The following AXDND1 variants were observed in gnomAD, a reference collection of about 807,000 sequenced individuals.
The protein encoded by AXDND1 is axonemal dynein light chain domain-containing protein 1.
Under a neutral mutation model 137.5 loss-of-function variants are expected in AXDND1, and 110 were observed. That is an observed-to-expected ratio of 0.80 (90% CI 0.69 to 0.94). The LOEUF is 0.94. Ranked by LOEUF, AXDND1 falls within the 40% of genes least tolerant of loss-of-function variation. AXDND1 has a pLI of 0.00. For synonymous variants in AXDND1, 414 were observed against 399.7 expected, an observed-to-expected ratio of 1.04 and a Z score of -0.43; for missense variants, 1,191 against 1,169.8, an observed-to-expected ratio of 1.02 and a Z score of -0.26.
chr1:179,537,855 T>A (rs1324779586), intron 25 of AXDND1, among the ~76,000 whole-genome samples: 1 of 152,204 alleles, frequency 6.6e-6, no homozygotes, highest in Non-Finnish European at 1.5e-5. Flanking sequence ...TATTAATTAT[T>A]GGCTCAATTT....
At chr1:179,484,559 C>T (rs1665803802) in intron 18 of AXDND1, among the ~76,000 whole-genome samples, 1 of 152,142 alleles carries the variant, frequency 6.6e-6, no homozygotes, top group Non-Finnish European at 1.5e-5. Context: ...TACTGGCAGA[C>T]CATGCCTGAC....
intron 11 of AXDND1, among the ~76,000 whole-genome samples, chr1:179,396,596 C>T (rs1368482829): frequency 6.0e-5 from 9 of 150,846 alleles, no homozygotes; most frequent in Middle Eastern, 3.4e-3. Context: ...TGCAGTGAGC[C>T]GAGACTGCGC....
intron 18 of AXDND1, among the ~76,000 whole-genome samples, chr1:179,484,060 C>A (rs549126775): frequency 6.6e-6 from 1 of 152,082 alleles, no homozygotes; most frequent in African/African-American, 2.4e-5. Context: ...AGCTGGAAAC[C>A]CTGCACAGGG....
At chr1:179,400,685 C>G (rs998304047) in intron 11 of AXDND1, among the ~76,000 whole-genome samples, 32 of 144,626 alleles carry the variant, frequency 2.2e-4, no homozygotes, top group Non-Finnish European at 4.7e-4. Context: ...GGGCAGATCA[C>G]GAGGTCAGGA....
rs183798505 is a variant in AXDND1, at chr1:179,500,619, G to A, written c.2388+7668G>A. Among the ~76,000 whole-genome samples the A allele has an allele frequency of 3.1e-4, 47 of 152,156 alleles. No homozygotes were observed. The East Asian group carries it at 6.9e-3, about 22-fold the overall frequency. On this transcript the variant is annotated intron_variant, in intron 20 of 25. Transcript: ENST00000367618. ...AATTCTCCTCAGGATGCTATGTAGC[G>A]ATCCTGTCCAATACAGTAGCCACTA...
chr1:179,404,896 G>C (rs965333274), intron 11 of AXDND1, among the ~76,000 whole-genome samples: 1 of 151,518 alleles, frequency 6.6e-6, no homozygotes, highest in African/African-American at 2.4e-5. Context: ...GCTTTGCTTT[G>C]TTGGGAGACT....
intron 24 of AXDND1, 72 bp downstream of exon 24, chr1:179,533,949 C>T: frequency 7.4e-7 from 1 of 1,359,470 alleles, no homozygotes. Flanking sequence ...GAAATTCACA[C>T]TTTTTGGCTT....
At position 179,554,723 on chromosome 1, in the gene AXDND1, C is replaced by T. The variant is rs1164167178; in HGVS notation, c.*204C>T. ...TTGCATGGTGCCACCCAATAAATAT[C>T]TGTGCAATTGAAGATGGTGTGGTAT... is the stretch of plus-strand genomic sequence containing the variant. On this transcript the variant is annotated 3_prime_UTR_variant, in exon 26 of 26. Coordinates refer to ENST00000367618, the MANE Select transcript of AXDND1 (RefSeq NM_144696.6). 2.8e-6 allele frequency: 2 copies of T among 706,748 alleles called. No homozygotes were observed. The highest frequency in any genetic ancestry group is 5.4e-5 in the East Asian group (2 of 36,764). 43.8% of individuals were successfully genotyped at this position (706,748 alleles called of 1,614,324 possible). A position where few individuals can be genotyped will look rare whatever the true frequency, so the allele number is the denominator to read the frequency against.
chr1:179,378,230 A>G (rs560494149), intron 4 of AXDND1, among the ~76,000 whole-genome samples: 8 of 152,260 alleles, frequency 5.3e-5, no homozygotes, highest in Non-Finnish European at 7.4e-5. Context: ...TCAAGGAAAT[A>G]TTTTTAGAAG....
At position 179,488,284 on chromosome 1, in the gene AXDND1, A is replaced by G. The variant is rs929909862; in HGVS notation, c.2092-3254A>G. Among the ~76,000 whole-genome samples the G allele has an allele frequency of 1.4e-4, 21 of 148,740 alleles. 1 individual carries two copies. In the South Asian group the frequency reaches 2.5e-3, roughly 18 times the overall value. On this transcript the variant is annotated intron_variant, in intron 18 of 25. Transcript: ENST00000367618. Reference sequence around the variant, plus strand: ...AGGTGAGCTGTGTTTCATTTTTAGCAACAAACTCACACCAAGATGGAAATA... The same window carrying G: ...AGGTGAGCTGTGTTTCATTTTTAGCGACAAACTCACACCAAGATGGAAATA...
At chr1:179,400,210 G>GGT (rs1651746434) in intron 11 of AXDND1, among the ~76,000 whole-genome samples, 1 of 152,036 alleles carries the variant, frequency 6.6e-6, no homozygotes, top group African/African-American at 2.4e-5. Context: ...AAAAAACTGT[G>GGT]GTGTATATAT....
Position 179,411,229 on chromosome 1 carries a change from A to G in AXDND1, c.1193A>G (p.Asp398Gly), listed in dbSNP as rs138013833. The change falls in exon 12 of 26, where the codon GAT becomes GGT. Residue 398 changes from aspartate (D) to glycine (G), a missense_variant. Physicochemically the swap from Asp to Gly is moderately conservative, Grantham distance 94. Coordinates refer to ENST00000367618, the MANE Select transcript of AXDND1 (RefSeq NM_144696.6). ...NDMKKLVAER[D>G]IWSSATYELA... ...ATGAAAAAGTTAGTGGCAGAAAGAG[A>G]TATCTGGAGCTCAGCCACATATGAA... 2.8e-5 allele frequency: 45 copies of G among 1,613,188 alleles called. No individual in the cohort carries two copies. The highest frequency in any genetic ancestry group is 3.8e-5 in the Non-Finnish European group (45 of 1,179,738).
In AXDND1 at chr1:179,468,468, G is replaced by T. The variant is rs762092372; in HGVS notation, c.1824G>T (p.Leu608Phe). The T allele has an allele frequency of 1.9e-6, 3 of 1,611,018 alleles. No individual in the cohort carries two copies. Among genetic ancestry groups the T allele is most frequent in the South Asian group, 2.2e-5 (2 of 90,512 alleles). Residue 608 changes from leucine (L) to phenylalanine (F), a missense_variant, in exon 17 of 26, where the codon TTG (leucine) becomes TTT (phenylalanine). Transcript: ENST00000367618. ...DNGYSKILPS[L>F]ISSLDFCSFK... ...GTTACTCCAAAATTCTTCCAAGTTT[G>T]ATTAGTTCTCTTGACTTCTGTTCTT... is the stretch of plus-strand genomic sequence containing the variant.
chr1:179,553,856 C>T (rs550065003), intron 25 of AXDND1, among the ~76,000 whole-genome samples: 15 of 152,178 alleles, frequency 9.9e-5, no homozygotes, highest in Admixed American at 2.6e-4. Flanking sequence ...AGTGATTCTC[C>T]TGCCTCAGCC....
rs570942747 is a variant in AXDND1, at chr1:179,471,690, A to G, written c.1997+3049A>G. Among the ~76,000 whole-genome samples, 16 of 151,638 alleles carry G rather than the reference A, an allele frequency of 1.1e-4. No individual in the cohort carries two copies. The South Asian group carries it at 2.5e-3, about 24-fold the overall frequency. On this transcript the variant is annotated intron_variant, in intron 17 of 25. Transcript: ENST00000367618. Reference sequence around the variant, plus strand: ...CATTGATTTCCTTTAGTGTTTTTCTATTCTCTATTGTATTAATTTCTGCTG... The same window carrying G: ...CATTGATTTCCTTTAGTGTTTTTCTGTTCTCTATTGTATTAATTTCTGCTG...
intron 17 of AXDND1, among the ~76,000 whole-genome samples, chr1:179,478,273 T>C (rs894726005): frequency 2.6e-5 from 4 of 152,200 alleles, no homozygotes; most frequent in African/African-American, 9.6e-5. Context: ...GGTGCCCACC[T>C]CACATTTCCC....
At chr1:179,368,659 ATTAT>A (rs1399152072) in intron 2 of AXDND1, 137 bp from the exon 3 acceptor site, 1 of 679,352 alleles carries the variant, frequency 1.5e-6, no homozygotes, top group African/African-American at 1.8e-5. Context: ...TGTTTTCAAT[ATTAT>A]TTGTTACTAT....
intron 5 of AXDND1, among the ~76,000 whole-genome samples, chr1:179,379,072 A>G (rs1571549854): frequency 6.6e-6 from 1 of 152,152 alleles, no homozygotes; most frequent in East Asian, 1.9e-4. Context: ...TAGGATTCTT[A>G]TCTTTGGTAT....
intron 17 of AXDND1, among the ~76,000 whole-genome samples, chr1:179,473,533 T>G (rs1664230011): frequency 6.6e-6 from 1 of 152,184 alleles, no homozygotes; most frequent in Admixed American, 6.5e-5. Context: ...TTATACTGGC[T>G]TAATTCTAGT....
Sources: gnomAD v4.1 joint callset for allele counts (sites outside exome capture counted in the v4.1 genomes callset) on GRCh38, gnomAD v4.1.1 for gene constraint, MANE v1.5 for transcripts, NCBI Gene and HGNC (gene_info 2026-07-23, HGNC 2026-07-21) for gene names.